PRKCE: variants seen among roughly 807,000 people sequenced by gnomAD.
PRKCE encodes the protein protein kinase C epsilon, also known as protein kinase C epsilon type.
In PRKCE, 16 loss-of-function variants were observed where a neutral mutation model predicts 85.4. The ratio of observed to expected loss-of-function variants is 0.19; its 90% confidence interval spans 0.13 to 0.28. The LOEUF (loss-of-function observed/expected upper bound fraction) is 0.28, where lower values mean the gene tolerates loss of function less well. Ranked by LOEUF, PRKCE falls within the 10% of genes least tolerant of loss-of-function variation. The pLI is 1.00. For synonymous variants in PRKCE, 388 were observed against 371.5 expected, an observed-to-expected ratio of 1.04 and a Z score of -0.51; for missense variants, 573 against 975.2, an observed-to-expected ratio of 0.59 and a Z score of 5.49.
At chr2:45,910,334 G>A (rs1260673344) in intron 2 of PRKCE, among the ~76,000 whole-genome samples, 1 of 152,170 alleles carries the variant, frequency 6.6e-6, no homozygotes, top group African/African-American at 2.4e-5. Context: ...GGAAGGAGGA[G>A]GTGGTGAGGA....
chr2:45,994,652 G>C (rs1186480920), intron 6 of PRKCE, among the ~76,000 whole-genome samples: 1 of 152,172 alleles, frequency 6.6e-6, no homozygotes, highest in East Asian at 1.9e-4. Flanking sequence ...TAATATTTCA[G>C]TGTCTGGATA....
intron 12 of PRKCE, among the ~76,000 whole-genome samples, chr2:46,148,199 A>G (rs1676270426): frequency 6.6e-6 from 1 of 152,198 alleles, no homozygotes; most frequent in Non-Finnish European, 1.5e-5. Context: ...TAATAGCATC[A>G]TCAGGGCCAA....
intron 2 of PRKCE, among the ~76,000 whole-genome samples, chr2:45,974,402 AC>A (rs1236345597): frequency 6.6e-6 from 1 of 152,132 alleles, no homozygotes; most frequent in Non-Finnish European, 1.5e-5. Context: ...ACTTTTTGAA[AC>A]AATAAGCACC....
chr2:45,700,423 TGA>T (rs1678536640), intron 1 of PRKCE: 1 of 152,028 alleles, frequency 6.6e-6, no homozygotes, highest in Non-Finnish European at 1.5e-5. Context: ...ATGCTTGAGC[TGA>T]GAGGCCAAGG....
rs937958829 is a variant in PRKCE, at chr2:45,976,296, C to A, written c.413-133C>A. 11 of 1,034,380 alleles carry A rather than the reference C, an allele frequency of 1.1e-5. No individual in the cohort carries two copies. The African/African-American group carries it at 1.8e-4, about 17-fold the overall frequency. 64.1% of individuals were successfully genotyped at this position (1,034,380 alleles called of 1,614,324 possible). On this transcript the variant is annotated intron_variant, in intron 2 of 14. Coordinates refer to ENST00000306156, the MANE Select transcript of PRKCE (RefSeq NM_005400.3). ...GGACTCCTCAGACCCCCGAGTCCCT[C>A]CACACACAAAGGCTACCTCTCACCC...
intron 1 of PRKCE, among the ~76,000 whole-genome samples, chr2:45,710,167 G>A (rs1051542976): frequency 1.3e-5 from 2 of 152,176 alleles, no homozygotes; most frequent in African/African-American, 2.4e-5. Flanking sequence ...ACTTTTCTGT[G>A]TATTAACTCA....
chr2:45,915,580 A>G (rs1006266354), intron 2 of PRKCE, among the ~76,000 whole-genome samples: 3 of 152,234 alleles, frequency 2.0e-5, no homozygotes, highest in African/African-American at 7.2e-5. Context: ...CAAAGGACAA[A>G]TGAAAGGTCC....
Position 45,939,595 on chromosome 2 carries a change from G to T in PRKCE, c.413-36834G>T, listed in dbSNP as rs188943122. ...TTTTGAGAAGGCGTCTCACTCTATC[G>T]CTAGGCTGGAGTGCAGTGGCGCAAT... is the stretch of plus-strand genomic sequence containing the variant. On this transcript the variant is annotated intron_variant, in intron 2 of 14. Transcript: ENST00000306156. 4.4e-3 allele frequency among the ~76,000 whole-genome samples: 669 copies of T among 151,008 alleles called. 3 individuals are homozygous for T. The highest frequency in any genetic ancestry group is 0.014 in the African/African-American group (591 of 41,108).
Position 46,018,974 on chromosome 2 carries a change from G to A in PRKCE, c.1437+8457G>A, listed in dbSNP as rs536058887. On this transcript the variant is annotated intron_variant, in intron 10 of 14. Coordinates refer to ENST00000306156, the MANE Select transcript of PRKCE (RefSeq NM_005400.3). ...GCTCTGCCCAGTGCTGGCCAGTGATGGTGCTGCGCTCTCTGCAGCAGAACT... is the reference window on the plus strand; with the variant it reads ...GCTCTGCCCAGTGCTGGCCAGTGATAGTGCTGCGCTCTCTGCAGCAGAACT... Among the ~76,000 whole-genome samples the A allele has an allele frequency of 3.3e-4, 50 of 152,316 alleles. 1 individual carries two copies. The South Asian group carries it at 0.01, about 31-fold the overall frequency.
At chr2:45,688,451 TC>T (rs1243029490) in intron 1 of PRKCE, among the ~76,000 whole-genome samples, 1 of 152,164 alleles carries the variant, frequency 6.6e-6, no homozygotes, top group African/African-American at 2.4e-5. Flanking sequence ...CTTCTTTTTT[TC>T]CCCCTTAACC....
intron 11 of PRKCE, among the ~76,000 whole-genome samples, chr2:46,128,243 GATATTCGA>G: frequency 6.6e-6 from 1 of 152,226 alleles, no homozygotes; most frequent in South Asian, 2.1e-4. Flanking sequence ...AAAAAGAGTA[GATATTCGA>G]ATCTGTTTAC....
At chr2:45,862,038 G>C (rs1480378579) in intron 2 of PRKCE, among the ~76,000 whole-genome samples, 1 of 152,014 alleles carries the variant, frequency 6.6e-6, no homozygotes, top group African/African-American at 2.4e-5. Flanking sequence ...AGTGGAGATG[G>C]GGACCAAGGG....
chr2:45,827,425 G>C (rs746536323), intron 1 of PRKCE, among the ~76,000 whole-genome samples: 2 of 152,126 alleles, frequency 1.3e-5, no homozygotes, highest in African/African-American at 2.4e-5. Context: ...TTCCCTTGTG[G>C]TTCAGATCGT....
At chr2:45,679,667 G>C (rs1676736432) in intron 1 of PRKCE, among the ~76,000 whole-genome samples, 1 of 152,124 alleles carries the variant, frequency 6.6e-6, no homozygotes, top group African/African-American at 2.4e-5. Flanking sequence ...GGGTGCATGT[G>C]GAACACTTAC....
intron 1 of PRKCE, among the ~76,000 whole-genome samples, chr2:45,692,401 T>A (rs995751825): frequency 3.9e-5 from 6 of 152,210 alleles, no homozygotes; most frequent in Non-Finnish European, 7.3e-5. Flanking sequence ...CTCCCTGCTC[T>A]GCCTTTACAG....
chr2:45,838,609 A>G (rs975897891), intron 1 of PRKCE, among the ~76,000 whole-genome samples: 46 of 152,058 alleles, frequency 3.0e-4, no homozygotes, highest in African/African-American at 1.2e-4. Context: ...TTAAAGTACA[A>G]TACTCTTACC....
At chr2:45,777,794 C>T (rs994311179) in intron 1 of PRKCE, among the ~76,000 whole-genome samples, 1 of 152,128 alleles carries the variant, frequency 6.6e-6, no homozygotes, top group South Asian at 2.1e-4. Context: ...CTGCCAGAAA[C>T]TTGGTTTGCA....
intron 11 of PRKCE, among the ~76,000 whole-genome samples, chr2:46,123,230 T>TTTTTTTTTTTTTTTTTTTTTTTTTTTTTG (rs1673509419): frequency 7.4e-6 from 1 of 135,418 alleles, no homozygotes; most frequent in Non-Finnish European, 1.6e-5. Flanking sequence ...TTTTTTTTTT[T>TTTTTTTTTTTTTTTTTTTTTTTTTTTTTG]TTTTTTTTTT....
At chr2:45,801,325 A>C (rs996084242) in intron 1 of PRKCE, among the ~76,000 whole-genome samples, 1 of 152,176 alleles carries the variant, frequency 6.6e-6, no homozygotes, top group Non-Finnish European at 1.5e-5. Flanking sequence ...TTTAAAAATG[A>C]ATTTTCAGGG....
Sources: gnomAD v4.1 joint callset for allele counts (sites outside exome capture counted in the v4.1 genomes callset) on GRCh38, gnomAD v4.1.1 for gene constraint, MANE v1.5 for transcripts, NCBI Gene and HGNC (gene_info 2026-07-23, HGNC 2026-07-21) for gene names.